ARHGAP42: variants seen among roughly 807,000 people sequenced by gnomAD.
ARHGAP42 encodes Rho GTPase activating protein 42, also known as rho GTPase-activating protein 42.
A neutral mutation model predicts 125.0 loss-of-function variants in ARHGAP42; 63 were observed. The ratio of observed to expected loss-of-function variants is 0.50; its 90% CI spans 0.41 to 0.62. The LOEUF (loss-of-function observed/expected upper bound fraction) is 0.62, where lower values mean the gene tolerates loss of function less well. ARHGAP42 is among the 20% of genes least tolerant of loss of function. The pLI is 0.00. For missense variants in ARHGAP42, 766 were observed against 1,024.2 expected (o/e 0.75, Z 3.44); for synonymous variants, 339 against 351.0 (o/e 0.97, Z 0.38).
In ARHGAP42 at chr11:100,798,744, T is replaced by C. The variant is rs144142951; in HGVS notation, c.312+3578T>C. Among the ~76,000 whole-genome samples, 311 of 152,346 alleles carry C rather than the reference T, an allele frequency of 2.0e-3. 1 individual carries two copies. Among genetic ancestry groups the C allele is most frequent in the African/African-American group, 7.3e-3 (302 of 41,590 alleles). On this transcript the variant is annotated intron_variant, in intron 3 of 23. Transcript: ENST00000298815. ...TCACTTTATTGCAGTAACTTGGAAC[T>C]GAACCCACAATATCTCTGAGGTATG...
rs776205705 is a variant in ARHGAP42, at chr11:100,992,710, A to G, written c.*3909A>G. ...AGGTTTATGAATGATGTGGACTTTTAGAGGATCAAATCAATAAATTGGATT... is the reference window on the plus strand; with the variant it reads ...AGGTTTATGAATGATGTGGACTTTTGGAGGATCAAATCAATAAATTGGATT... On this transcript the variant is annotated 3_prime_UTR_variant, in exon 24 of 24. Coordinates refer to ENST00000298815, the MANE Select transcript of ARHGAP42 (RefSeq NM_152432.4). 2 of 1,552,630 alleles carry G rather than the reference A, an allele frequency of 1.3e-6. No individual in the cohort carries two copies. The highest frequency in any genetic ancestry group is 4.1e-5 in the Admixed American group (2 of 48,650).
chr11:100,982,736 T>C (rs539635095), intron 22 of ARHGAP42, among the ~76,000 whole-genome samples: 1 of 152,334 alleles, frequency 6.6e-6, no homozygotes, highest in South Asian at 2.1e-4. Context: ...ATTGAGTGTC[T>C]GGTTCATTGT....
At chr11:100,767,539 G>A (rs1177537855) in intron 1 of ARHGAP42, among the ~76,000 whole-genome samples, 3 of 152,148 alleles carry the variant, frequency 2.0e-5, no homozygotes, top group African/African-American at 7.2e-5. Flanking sequence ...CGAGGCCATA[G>A]GAAGTCAAGA....
At chr11:100,831,259 C>T (rs1043063425) in intron 3 of ARHGAP42, among the ~76,000 whole-genome samples, 6 of 152,094 alleles carry the variant, frequency 3.9e-5, no homozygotes, top group African/African-American at 1.4e-4. Context: ...GCTCAGTTTA[C>T]TGTCATCAGT....
intron 10 of ARHGAP42, 90 bp from the exon 11 acceptor site, chr11:100,948,366 AC>A (rs1868078268): frequency 1.2e-6 from 1 of 839,448 alleles, no homozygotes; most frequent in South Asian, 2.6e-5. Context: ...TTTTCTCTTA[AC>A]TTTTTTTCTT....
intron 6 of ARHGAP42, among the ~76,000 whole-genome samples, chr11:100,925,932 C>T (rs74750379): frequency 0.046 from 6,980 of 152,090 alleles, 311 homozygotes; most frequent in East Asian, 0.25. Context: ...TTATAATATT[C>T]ACCTACTGCT....
intron 4 of ARHGAP42, among the ~76,000 whole-genome samples, chr11:100,903,156 C>CACACACACACACACACACACA (rs10524538): frequency 2.0e-5 from 3 of 150,912 alleles, no homozygotes; most frequent in South Asian, 2.1e-4. Flanking sequence ...CACACACACA[C>CACACACACACACACACACACA]CAAGCTTTAG....
chr11:100,714,875 C>G (rs1861628470), intron 1 of ARHGAP42, among the ~76,000 whole-genome samples: 1 of 151,782 alleles, frequency 6.6e-6, no homozygotes, highest in Non-Finnish European at 1.5e-5. Flanking sequence ...GCGAAACCCT[C>G]TCTCTACAAA....
rs1861111348 is a variant in ARHGAP42, at chr11:100,687,826, T to C, written c.148T>C (p.Leu50=). The C allele has an allele frequency of 6.5e-7, 1 of 1,547,678 alleles. No individual in the cohort carries two copies. Among genetic ancestry groups the C allele is most frequent in the African/African-American group, 1.4e-5 (1 of 72,920 alleles). ...GGACGGCTCTCTGCTCATTGGGGCG[T>C]TGAGGAGTAAGTAGGGCTGGCGGGG... ...IKDGSLLIGA[L]RNLSMAVQKF... is the part of the protein sequence containing the mutation. The change falls in exon 1 of 24, where the codon TTG becomes CTG. Residue 50 remains leucine (L), a synonymous_variant. Transcript: ENST00000298815.
At chr11:100,770,504 C>T in intron 2 of ARHGAP42, 66 bp downstream of exon 2, 1 of 1,063,636 alleles carries the variant, frequency 9.4e-7, no homozygotes, top group Non-Finnish European at 1.4e-6. Flanking sequence ...AATAGACACA[C>T]ACCTAAATAA....
At chr11:100,958,831 G>A (rs76889534) in intron 12 of ARHGAP42, among the ~76,000 whole-genome samples, 2,205 of 151,936 alleles carry the variant, frequency 0.015, 32 homozygotes, top group Non-Finnish European at 0.02. Context: ...GATTTTTCAC[G>A]CCTTTCTGTC....
Position 100,876,666 on chromosome 11 carries a change from A to G in ARHGAP42, c.384+17041A>G, listed in dbSNP as rs550081738. On this transcript the variant is annotated intron_variant, in intron 4 of 23. Coordinates refer to ENST00000298815, the MANE Select transcript of ARHGAP42 (RefSeq NM_152432.4). ...GCCAACATTATTGAAATCTGTGGGTATGTTTGTGTAGACTCAGCCCTAGAG... is the reference window on the plus strand; with the variant it reads ...GCCAACATTATTGAAATCTGTGGGTGTGTTTGTGTAGACTCAGCCCTAGAG... 5.9e-5 allele frequency among the ~76,000 whole-genome samples: 9 copies of G among 152,330 alleles called. No individual in the cohort carries two copies. The East Asian group carries it at 1.5e-3, about 26-fold the overall frequency.
rs1465696313 is a variant in ARHGAP42 at position 100,992,911 on chromosome 11, A to G, written c.*4110A>G. On this transcript the variant is annotated 3_prime_UTR_variant, in exon 24 of 24. Transcript: ENST00000298815. ...GCCCATCATTCCTTTTCCCCTTGGC[A>G]CTCATGAGAGAGATGCCAAGTTCAG... 3.7e-6 allele frequency: 2 copies of G among 533,962 alleles called. No individual in the cohort carries two copies. Among genetic ancestry groups the G allele is most frequent in the Non-Finnish European group, 6.6e-6 (2 of 304,020 alleles). 33.1% of individuals were successfully genotyped at this position (533,962 alleles called of 1,614,324 possible).
intron 2 of ARHGAP42, among the ~76,000 whole-genome samples, chr11:100,790,373 A>C (rs1393029704): frequency 6.6e-6 from 1 of 152,050 alleles, no homozygotes; most frequent in Non-Finnish European, 1.5e-5. Flanking sequence ...GTGTTTTTCC[A>C]ATATTATGTT....
At chr11:100,909,331 G>T (rs1449882955) in intron 4 of ARHGAP42, among the ~76,000 whole-genome samples, 2 of 134,264 alleles carry the variant, frequency 1.5e-5, no homozygotes, top group Non-Finnish European at 3.1e-5. Context: ...TTTTCTCTAG[G>T]ACTTTTCTTG....
chr11:100,721,056 C>T (rs1424522323), intron 1 of ARHGAP42, among the ~76,000 whole-genome samples: 8 of 151,950 alleles, frequency 5.3e-5, no homozygotes, highest in East Asian at 1.9e-4. Context: ...ATTAACATCT[C>T]GCATTAGTGT....
chr11:100,754,107 T>C lies in ARHGAP42; in HGVS notation c.155-16236T>C, dbSNP rs958598440. Among the ~76,000 whole-genome samples, 4 of 152,238 alleles carry C rather than the reference T, an allele frequency of 2.6e-5. No individual in the cohort carries two copies. In the East Asian group the frequency reaches 7.7e-4, roughly 29 times the overall value. On this transcript the variant is annotated intron_variant, in intron 1 of 23. Transcript: ENST00000298815. ...AACTTTAATTCCCATTAGTGCTACT[T>C]ATAACTACATGATAAAATGGGTTTA...
chr11:100,776,742 G>A (rs371130288), intron 2 of ARHGAP42, among the ~76,000 whole-genome samples: 1 of 152,054 alleles, frequency 6.6e-6, no homozygotes, highest in East Asian at 1.9e-4. Context: ...TAGCACTTTA[G>A]GAGGCCTAGG....
At chr11:100,741,041 C>A (rs577624388) in intron 1 of ARHGAP42, among the ~76,000 whole-genome samples, 23 of 152,046 alleles carry the variant, frequency 1.5e-4, no homozygotes, top group Non-Finnish European at 2.5e-4. Flanking sequence ...TTATTTATTT[C>A]TTTTTTTGAG....
Sources: allele counts gnomAD v4.1 joint callset (sites outside exome capture counted in the v4.1 genomes callset), GRCh38; gene constraint gnomAD v4.1.1; transcripts MANE v1.5; gene names NCBI Gene and HGNC (gene_info 2026-07-23, HGNC 2026-07-21).